Variants in SLC6A11 observed in about 807,000 individuals in gnomAD.
The protein encoded by SLC6A11 is solute carrier family 6 member 11.
A neutral mutation model predicts 74.8 loss-of-function variants in SLC6A11; 25 were observed. That is an observed-to-expected ratio of 0.33 (90% confidence interval 0.24 to 0.47). The LOEUF (loss-of-function observed/expected upper bound fraction) is 0.47, where lower values mean the gene tolerates loss of function less well. Among genes scored for constraint, SLC6A11 ranks in the 20% least tolerant of loss-of-function variants. The pLI is 1.00. For missense variants in SLC6A11, 574 were observed against 837.0 expected (o/e 0.69, Z 3.88); for synonymous variants, 330 against 330.2 (o/e 1.00, Z 0.01).
intron 5 of SLC6A11, among the ~76,000 whole-genome samples, chr3:10,849,354 T>C (rs888837893): frequency 6.6e-6 from 1 of 152,340 alleles, no homozygotes; most frequent in East Asian, 1.9e-4. Flanking sequence ...GATTTTCCTA[T>C]GTCATTGTTT....
At chr3:10,856,697 C>T (rs1276773483) in intron 5 of SLC6A11, among the ~76,000 whole-genome samples, 1 of 152,164 alleles carries the variant, frequency 6.6e-6, no homozygotes, top group Non-Finnish European at 1.5e-5. Flanking sequence ...CCCACCAGAC[C>T]AAGTGCTTAT....
chr3:10,816,926 C>G lies in SLC6A11; in HGVS notation c.256+405C>G, dbSNP rs1015812014. 1.3e-5 allele frequency among the ~76,000 whole-genome samples: 2 copies of G among 152,208 alleles called. No individual in the cohort carries two copies. Among genetic ancestry groups the G allele is most frequent in the African/African-American group, 4.8e-5 (2 of 41,456 alleles). On this transcript the variant is annotated intron_variant, in intron 1 of 13. Coordinates refer to ENST00000254488, the MANE Select transcript of SLC6A11 (RefSeq NM_014229.3). The surrounding 1 kb of genome is among the most constrained non-coding windows in gnomAD (Gnocchi z 4.2). ...ATGATCAAAGTGGTCTCAGTTTTTG[C>G]GCGCTTACTGAAGTGCCGAGCACCT...
At chr3:10,928,545 G>A (rs1209565393) in intron 9 of SLC6A11, among the ~76,000 whole-genome samples, 1 of 152,170 alleles carries the variant, frequency 6.6e-6, no homozygotes, top group African/African-American at 2.4e-5. Flanking sequence ...ACCTGGCCCT[G>A]TGCTTAGCAC....
chr3:10,834,405 A>G (rs1164059573), intron 4 of SLC6A11, among the ~76,000 whole-genome samples: 1 of 145,262 alleles, frequency 6.9e-6, no homozygotes, highest in East Asian at 2.0e-4. Context: ...GGAGGAAGGG[A>G]TGAAGGAAGA....
intron 7 of SLC6A11, 64 bp downstream of exon 7, chr3:10,912,257 G>T: frequency 8.9e-7 from 1 of 1,119,942 alleles, no homozygotes; most frequent in Non-Finnish European, 1.4e-6. Context: ...AACCTGCCAG[G>T]CTAGTTTATG....
chr3:10,819,682 C>A (rs932595927), intron 2 of SLC6A11, 30 bp from the exon 3 acceptor site: 2 of 1,611,900 alleles, frequency 1.2e-6, no homozygotes, highest in Non-Finnish European at 1.7e-6. Flanking sequence ...AAGATAGACT[C>A]AAATTCCTTC....
intron 10 of SLC6A11, among the ~76,000 whole-genome samples, chr3:10,929,585 C>T (rs1036308876): frequency 6.6e-6 from 1 of 152,324 alleles, no homozygotes; most frequent in African/African-American, 2.4e-5. Flanking sequence ...GAGTCACACT[C>T]ACCAGGGGAA....
rs529635549 is a variant in SLC6A11 at position 10,919,378 on chromosome 3, ATTT to A, written c.1120+929_1120+931del. 2.4e-3 allele frequency among the ~76,000 whole-genome samples: 367 copies of A among 152,282 alleles called. 3 individuals carry two copies. The highest frequency in any genetic ancestry group is 8.4e-3 in the African/African-American group (349 of 41,554). On this transcript the variant is annotated intron_variant, in intron 8 of 13. Transcript: ENST00000254488. ...CCTACAAGCATGTCCAGTGGGACAT[ATTT>A]TTTAAGACCAGCACAGGGCATCTGG...
chr3:10,826,325 G>T (rs1435943805), intron 4 of SLC6A11, among the ~76,000 whole-genome samples: 2 of 152,224 alleles, frequency 1.3e-5, no homozygotes, highest in South Asian at 2.1e-4. Flanking sequence ...TCTGGGCTGG[G>T]TGGGCCTGTG....
intron 6 of SLC6A11, among the ~76,000 whole-genome samples, chr3:10,906,802 CAATA>C (rs1275645196): frequency 3.3e-5 from 5 of 152,052 alleles, no homozygotes; most frequent in African/African-American, 1.2e-4. Flanking sequence ...GAATAGAGAA[CAATA>C]ATTTCAGAAA....
intron 8 of SLC6A11, 90 bp from the exon 9 acceptor site, chr3:10,925,914 A>G: frequency 1.4e-6 from 1 of 736,734 alleles, no homozygotes; most frequent in South Asian, 1.7e-5. Context: ...CCTGGCGCAG[A>G]GGAGGCACTC....
intron 6 of SLC6A11, among the ~76,000 whole-genome samples, chr3:10,900,699 G>A (rs574682578): frequency 6.6e-6 from 1 of 152,202 alleles, no homozygotes; most frequent in African/African-American, 2.4e-5. Flanking sequence ...TGTGGTTCTG[G>A]GGGGAGATGA....
chr3:10,874,688 G>A (rs1440783104), intron 5 of SLC6A11, among the ~76,000 whole-genome samples: 1 of 151,986 alleles, frequency 6.6e-6, no homozygotes, highest in African/African-American at 2.4e-5. Context: ...CCCCCTCCCA[G>A]TTCCCCACAA....
intron 8 of SLC6A11, among the ~76,000 whole-genome samples, chr3:10,920,379 T>A (rs780795900): frequency 1.3e-5 from 2 of 152,224 alleles, no homozygotes; most frequent in Non-Finnish European, 2.9e-5. Context: ...TATGTAGCTA[T>A]AAGCGTGGTG....
intron 7 of SLC6A11, among the ~76,000 whole-genome samples, chr3:10,913,606 AG>A (rs1230447559): frequency 2.6e-5 from 4 of 152,254 alleles, no homozygotes; most frequent in African/African-American, 9.6e-5. Context: ...TATGATACAC[AG>A]GGGGTTTATA....
chr3:10,899,177 G>A (rs986955653), intron 6 of SLC6A11, among the ~76,000 whole-genome samples: 3 of 152,182 alleles, frequency 2.0e-5, no homozygotes, highest in Non-Finnish European at 4.4e-5. Flanking sequence ...GGGACACAGA[G>A]CCAAACCATA....
At position 10,926,886 on chromosome 3, in the gene SLC6A11, T is replaced by G. The variant is rs2106633511; in HGVS notation, c.1233+770T>G. The stretch of plus-strand genomic sequence containing the variant: ...TGCCTGCTGGTCCTCACAGCTGTTT[T>G]CCCTAGGAGCCCTGGAGAACTTCCC... On this transcript the variant is annotated intron_variant, in intron 9 of 13. Coordinates refer to ENST00000254488, the MANE Select transcript of SLC6A11 (RefSeq NM_014229.3). This position sits in a 1 kb window ranked among gnomAD's most constrained non-coding sequence, Gnocchi z 5.7. 6.6e-6 allele frequency among the ~76,000 whole-genome samples: 1 copy of G among 152,230 alleles called. No individual in the cohort carries two copies. The highest frequency in any genetic ancestry group is 2.1e-4 in the South Asian group (1 of 4,810).
intron 8 of SLC6A11, among the ~76,000 whole-genome samples, chr3:10,923,677 A>C (rs1559584767): frequency 6.6e-6 from 1 of 152,208 alleles, no homozygotes; most frequent in Admixed American, 6.5e-5. Context: ...TACTAAAATC[A>C]GTAGGTAAAA....
chr3:10,875,230 T>C, intron 6 of SLC6A11, 135 bp downstream of exon 6: 1 of 682,026 alleles, frequency 1.5e-6, no homozygotes, highest in East Asian at 3.2e-5. Context: ...CCCAGAATAA[T>C]TTTAAATGCA....
Sources: gnomAD v4.1 joint callset for allele counts (sites outside exome capture counted in the v4.1 genomes callset) on GRCh38, gnomAD v4.1.1 for gene constraint, Gnocchi (gnomAD v3.1) non-coding constraint, MANE v1.5 for transcripts, NCBI Gene and HGNC (gene_info 2026-07-23, HGNC 2026-07-21) for gene names.